The following NRCAM variants were observed in gnomAD, a reference collection of about 807,000 sequenced individuals.
NRCAM encodes NgCAM-related cell adhesion molecule.
In NRCAM, 83 loss-of-function variants were observed where a neutral mutation model predicts 156.5. The ratio of observed to expected loss-of-function variants is 0.53; its 90% CI spans 0.44 to 0.64. NRCAM has a LOEUF of 0.64. NRCAM is among the 30% of genes least tolerant of loss of function. NRCAM has a pLI of 0.00. For missense variants in NRCAM, 1,417 were observed against 1,597.3 expected, an observed-to-expected ratio of 0.89 and a Z score of 1.92; for synonymous variants, 538 against 563.9, an observed-to-expected ratio of 0.95 and a Z score of 0.65.
intron 2 of NRCAM, among the ~76,000 whole-genome samples, chr7:108,397,441 A>G (rs1207517235): frequency 2.6e-5 from 4 of 152,156 alleles, no homozygotes; most frequent in African/African-American, 9.7e-5. Context: ...CATTCCCTCA[A>G]AGAAGGCTGT....
chr7:108,336,191 G>A (rs1265398390), intron 2 of NRCAM, among the ~76,000 whole-genome samples: 1 of 152,062 alleles, frequency 6.6e-6, no homozygotes, highest in Non-Finnish European at 1.5e-5. Context: ...CATAACTGAG[G>A]CAGGCAAATC....
At chr7:108,232,786 G>A (rs555135556) in intron 6 of NRCAM, among the ~76,000 whole-genome samples, 1 of 152,188 alleles carries the variant, frequency 6.6e-6, no homozygotes, top group South Asian at 2.1e-4. Flanking sequence ...CAAATTGCCT[G>A]TCATTTTTCT....
intron 3 of NRCAM, among the ~76,000 whole-genome samples, chr7:108,246,352 A>T (rs1382148970): frequency 6.6e-6 from 1 of 152,174 alleles, no homozygotes; most frequent in East Asian, 1.9e-4. Context: ...CTGTGAGTTG[A>T]CTTGGCTGCT....
At position 108,335,434 on chromosome 7, in the gene NRCAM, CT is replaced by C. The variant is rs58975301; in HGVS notation, c.-173-22704del. On this transcript the variant is annotated intron_variant, in intron 2 of 32. Transcript: ENST00000379028. ...ATGTCCTGTGGATCTGTTCCACCTGCTTTTTTTTTTTTTTTTTTTTTTTTTC... is the reference window on the plus strand; with the variant it reads ...ATGTCCTGTGGATCTGTTCCACCTGCTTTTTTTTTTTTTTTTTTTTTTTTC... Among the ~76,000 whole-genome samples the C allele has an allele frequency of 3.0e-3, 208 of 69,856 alleles. 1 individual carries two copies. The highest frequency in any genetic ancestry group is 0.014 in the Middle Eastern group (1 of 74). The allele number at this position is 69,856 out of a possible 152,430, so 45.8% of individuals were successfully genotyped here.
chr7:108,246,721 G>A (rs865978193), intron 3 of NRCAM, among the ~76,000 whole-genome samples: 29 of 152,188 alleles, frequency 1.9e-4, no homozygotes, highest in African/African-American at 6.5e-4. Flanking sequence ...TCTCTGTGAA[G>A]TTTGCCACAC....
intron 2 of NRCAM, among the ~76,000 whole-genome samples, chr7:108,365,751 T>A (rs984449023): frequency 6.6e-6 from 1 of 152,200 alleles, no homozygotes; most frequent in African/African-American, 2.4e-5. Flanking sequence ...TGCTTCAAAT[T>A]TAAATACTTT....
chr7:108,355,487 A>C (rs2099487203), intron 2 of NRCAM, among the ~76,000 whole-genome samples: 1 of 152,262 alleles, frequency 6.6e-6, no homozygotes, highest in Admixed American at 6.5e-5. Context: ...TAGAAGCCCA[A>C]GTACAAAGAG....
chr7:108,263,844 A>C (rs2096976474), intron 3 of NRCAM, among the ~76,000 whole-genome samples: 2 of 152,208 alleles, frequency 1.3e-5, no homozygotes, highest in Non-Finnish European at 2.9e-5. Flanking sequence ...AGAGTTCTTG[A>C]ACTTCATTTA....
intron 3 of NRCAM, among the ~76,000 whole-genome samples, chr7:108,287,466 A>G (rs1435610618): frequency 6.6e-6 from 1 of 151,732 alleles, no homozygotes; most frequent in Non-Finnish European, 1.5e-5. Context: ...TCTATGAGGA[A>G]CTCAAACAAC....
intron 3 of NRCAM, among the ~76,000 whole-genome samples, chr7:108,299,110 A>AGAAAG (rs1279906799): frequency 6.0e-4 from 10 of 16,658 alleles, no homozygotes; most frequent in African/African-American, 1.2e-3. Flanking sequence ...CATCTCAAAA[A>AGAAAG]AAAAAAAGAA....
intron 3 of NRCAM, among the ~76,000 whole-genome samples, chr7:108,240,615 A>G (rs775598538): frequency 5.9e-5 from 9 of 152,172 alleles, no homozygotes; most frequent in African/African-American, 9.7e-5. Flanking sequence ...CAAAACACTA[A>G]TTTACCAGAT....
At chr7:108,151,237 T>C (rs1584945620) in intron 32 of NRCAM, among the ~76,000 whole-genome samples, 1 of 150,302 alleles carries the variant, frequency 6.7e-6, no homozygotes, top group East Asian at 1.9e-4. Context: ...AAAAAGGCAA[T>C]GACAGGATCT....
At chr7:108,190,654 A>G (rs1451917663) in intron 19 of NRCAM, among the ~76,000 whole-genome samples, 1 of 152,180 alleles carries the variant, frequency 6.6e-6, no homozygotes, top group Non-Finnish European at 1.5e-5. Context: ...GATTTCTGGA[A>G]ATGATTTCTG....
At chr7:108,217,819 C>A (rs1163412747) in intron 11 of NRCAM, among the ~76,000 whole-genome samples, 1 of 152,170 alleles carries the variant, frequency 6.6e-6, no homozygotes, top group East Asian at 1.9e-4. Context: ...TGTTGGCAGC[C>A]AGAATTTCAA....
chr7:108,267,695 T>C (rs557699153), intron 3 of NRCAM, among the ~76,000 whole-genome samples: 7 of 152,338 alleles, frequency 4.6e-5, no homozygotes, highest in Admixed American at 3.3e-4. Context: ...TAAGTTTACA[T>C]ACAATCCCAG....
Position 108,182,872 on chromosome 7 carries a change from T to G in NRCAM, c.2353A>C (p.Ser785Arg). Residue 785 changes from serine (S) to arginine (R), a missense_variant, in exon 23 of 33, where the codon AGC becomes CGC. Around this residue, in one of 2 missense-constraint regions of NRCAM, gnomAD observed 1,238 missense variants for 1,336.4 expected, o/e 0.93. Transcript: ENST00000379028. The part of the protein sequence containing the change: ...SNGPGLQYKV[S>R]WRQKDGDDEW... The stretch of plus-strand genomic sequence containing the variant: ...TCATCACCATCTTTCTGGCGCCAGC[T>G]AACTTTGTACTGAAGGCCTGGCCCA... 1 of 1,614,226 alleles carries G rather than the reference T, an allele frequency of 6.2e-7. No individual in the cohort carries two copies. Among genetic ancestry groups the G allele is most frequent in the Non-Finnish European group, 8.5e-7 (1 of 1,180,038 alleles).
chr7:108,198,132 C>T, intron 13 of NRCAM, 33 bp from the exon 14 acceptor site: 1 of 1,557,532 alleles, frequency 6.4e-7, no homozygotes, highest in East Asian at 2.3e-5. Context: ...AGTATTTATT[C>T]CTATTTGCTT....
At position 108,391,475 on chromosome 7, in the gene NRCAM, T is replaced by C. The variant is rs1430494474; in HGVS notation, c.-174+7961A>G. ...TTTTGAGCCTATGTGTGTCTCTGCATGTGAGATGGGTTTCCTGAATACAGC... is the reference window on the plus strand; with the variant it reads ...TTTTGAGCCTATGTGTGTCTCTGCACGTGAGATGGGTTTCCTGAATACAGC... On this transcript the variant is annotated intron_variant, in intron 2 of 32. Transcript: ENST00000379028. 3.6e-4 allele frequency among the ~76,000 whole-genome samples: 55 copies of C among 151,956 alleles called. 1 individual carries two copies. Among genetic ancestry groups the C allele is most frequent in the African/African-American group, 1.3e-3 (52 of 41,348 alleles).
At chr7:108,201,176 T>TA (rs71522858) in intron 13 of NRCAM, among the ~76,000 whole-genome samples, 10,671 of 130,542 alleles carry the variant, frequency 0.082, 1,235 homozygotes, top group African/African-American at 0.27. Context: ...TTAAGGTCGG[T>TA]AAAAAAAAAA....
Sources: allele counts gnomAD v4.1 joint callset (sites outside exome capture counted in the v4.1 genomes callset), GRCh38; gene constraint gnomAD v4.1.1; regional missense constraint gnomAD v4.1.1; transcripts MANE v1.5; gene names NCBI Gene and HGNC (gene_info 2026-07-23, HGNC 2026-07-21).